NCOA1: variants seen among roughly 807,000 people sequenced by gnomAD.
NCOA1 encodes nuclear receptor coactivator 1, also known as Hin-2 protein.
NCOA1 carries 35 observed loss-of-function variants against 150.9 expected under a neutral mutation model. The observed-to-expected ratio is 0.23, with a 90% CI of 0.18 to 0.31. The LOEUF (loss-of-function observed/expected upper bound fraction) is 0.31. Ranked by LOEUF, NCOA1 falls within the 10% of genes least tolerant of loss-of-function variation. NCOA1 has a pLI of 1.00. For missense variants in NCOA1, 1,491 were observed against 1,749.3 expected, an observed-to-expected ratio of 0.85 and a Z score of 2.63; for synonymous variants, 590 against 630.0, an observed-to-expected ratio of 0.94 and a Z score of 0.95.
intron 1 of NCOA1, among the ~76,000 whole-genome samples, chr2:24,540,806 TTAGA>T (rs769719946): frequency 1.4e-4 from 21 of 152,154 alleles, no homozygotes; most frequent in Admixed American, 3.9e-4. Context: ...GATCCTGAAC[TTAGA>T]TAGCAGCATA....
chr2:24,652,943 A>G (rs938438746), intron 4 of NCOA1, among the ~76,000 whole-genome samples: 2 of 152,218 alleles, frequency 1.3e-5, no homozygotes, highest in Non-Finnish European at 2.9e-5. Context: ...GAAGTTTTAC[A>G]TTGCCTTGTT....
intron 4 of NCOA1, among the ~76,000 whole-genome samples, chr2:24,656,087 CAAAA>C (rs58446937): frequency 4.8e-5 from 3 of 62,038 alleles, no homozygotes; most frequent in Admixed American, 1.7e-4. Flanking sequence ...GACTCCGTCT[CAAAA>C]AAAAAAAAAA....
intron 3 of NCOA1, among the ~76,000 whole-genome samples, chr2:24,592,578 ATTTTTTTTTTTT>A (rs145333073): frequency 9.7e-6 from 1 of 103,492 alleles, no homozygotes; most frequent in Non-Finnish European, 2.0e-5. Flanking sequence ...TCCCCTCCTA[ATTTTTTTTTTTT>A]TTTTTTTTTT....
chr2:24,496,612 T>C (rs1663226650), intron 1 of NCOA1, among the ~76,000 whole-genome samples: 1 of 152,186 alleles, frequency 6.6e-6, no homozygotes, highest in African/African-American at 2.4e-5. Flanking sequence ...CTCTTTTTAG[T>C]GTGTGTTGAT....
intron 18 of NCOA1, 79 bp from the exon 19 acceptor site, chr2:24,741,705 A>G: frequency 7.0e-7 from 1 of 1,428,824 alleles, no homozygotes. Flanking sequence ...CCAAGCAAGT[A>G]GGCCTTAATC....
intron 14 of NCOA1, among the ~76,000 whole-genome samples, chr2:24,725,714 CGTGTGTGTGTGTGTGTGTGTGT>C (rs57720230): frequency 0.079 from 11,788 of 148,944 alleles, 538 homozygotes; most frequent in African/African-American, 0.12. Flanking sequence ...CTAAAGTGTG[CGTGTGTGTGTGTGTGTGTGTGT>C]GTGTGTGTGT....
intron 1 of NCOA1, among the ~76,000 whole-genome samples, chr2:24,518,053 C>A (rs1664275660): frequency 6.6e-6 from 1 of 151,944 alleles, no homozygotes; most frequent in African/African-American, 2.4e-5. Flanking sequence ...GTAATAACAA[C>A]CATTTATTGA....
At chr2:24,765,949 G>A (rs1455394907) in intron 22 of NCOA1, among the ~76,000 whole-genome samples, 1 of 141,952 alleles carries the variant, frequency 7.0e-6, no homozygotes, top group African/African-American at 2.7e-5. Flanking sequence ...TGCCCACGCT[G>A]GAATGCAGTG....
chr2:24,639,908 G>A (rs2384036), intron 3 of NCOA1, among the ~76,000 whole-genome samples: 82,295 of 99,224 alleles, frequency 0.83, 34,271 homozygotes, highest in Admixed American at 0.9. Context: ...AAAAAAGTAT[G>A]TGTGTGTGTA....
chr2:24,541,075 C>T (rs1393736167), intron 1 of NCOA1, among the ~76,000 whole-genome samples: 1 of 152,136 alleles, frequency 6.6e-6, no homozygotes, highest in Non-Finnish European at 1.5e-5. Context: ...GTGTTATAGT[C>T]TGTTAGGCTA....
At chr2:24,494,180 AG>A (rs1157380237) in intron 1 of NCOA1, among the ~76,000 whole-genome samples, 1 of 152,162 alleles carries the variant, frequency 6.6e-6, no homozygotes, top group Non-Finnish European at 1.5e-5. Flanking sequence ...TGAAAGGTGG[AG>A]TGGTGGAGAG....
intron 3 of NCOA1, among the ~76,000 whole-genome samples, chr2:24,619,222 A>G (rs1411062926): frequency 1.3e-5 from 2 of 152,216 alleles, no homozygotes; most frequent in Non-Finnish European, 2.9e-5. Context: ...TGTAACCTTT[A>G]TTCTTGGAAA....
At position 24,727,094 on chromosome 2, in the gene NCOA1, C is replaced by T. The variant is rs375596931; in HGVS notation, c.2717+388C>T. On this transcript the variant is annotated intron_variant, in intron 15 of 22. Transcript: ENST00000348332. ...TGGAGGTTGCAGTGAGCCAAGATTG[C>T]GCCATTGCACTCCAGCCTGGGCAAC... Among the ~76,000 whole-genome samples, 9 of 144,580 alleles carry T rather than the reference C, an allele frequency of 6.2e-5. No homozygotes were observed. In the South Asian group the frequency reaches 8.9e-4, roughly 14 times the overall value. 94.9% of individuals were successfully genotyped at this position (144,580 alleles called of 152,430 possible).
intron 3 of NCOA1, among the ~76,000 whole-genome samples, chr2:24,642,809 C>T (rs763070470): frequency 9.2e-5 from 14 of 152,130 alleles, no homozygotes; most frequent in Non-Finnish European, 1.8e-4. Context: ...ACTATTGATA[C>T]GTGCACCAAA....
intron 1 of NCOA1, among the ~76,000 whole-genome samples, chr2:24,531,999 A>G (rs1300298603): frequency 6.6e-6 from 1 of 152,156 alleles, no homozygotes; most frequent in East Asian, 1.9e-4. Context: ...GTCAAATGGT[A>G]TTTCTAGTTC....
chr2:24,699,867 G>A (rs545251114), intron 11 of NCOA1, among the ~76,000 whole-genome samples: 17 of 152,290 alleles, frequency 1.1e-4, no homozygotes, highest in Admixed American at 7.2e-4. Context: ...TAAGTTGGCC[G>A]GGTGCAGTGG....
intron 16 of NCOA1, among the ~76,000 whole-genome samples, chr2:24,729,158 C>T (rs1662863132): frequency 6.6e-6 from 1 of 152,046 alleles, no homozygotes; most frequent in African/African-American, 2.4e-5. Flanking sequence ...CCTGCTTGAT[C>T]CCTCCTTTAA....
intron 1 of NCOA1, among the ~76,000 whole-genome samples, chr2:24,526,401 C>T (rs1664652623): frequency 6.6e-6 from 1 of 151,368 alleles, no homozygotes; most frequent in Non-Finnish European, 1.5e-5. Flanking sequence ...GGTTTTCATT[C>T]TAGAATGGAA....
intron 1 of NCOA1, among the ~76,000 whole-genome samples, chr2:24,493,657 A>G (rs1238068036): frequency 1.3e-5 from 2 of 150,822 alleles, no homozygotes; most frequent in African/African-American, 4.9e-5. Flanking sequence ...TTAAACTAGG[A>G]TTATATAGAC....
Sources: gnomAD v4.1 joint callset for allele counts (sites outside exome capture counted in the v4.1 genomes callset) on GRCh38, gnomAD v4.1.1 for gene constraint, MANE v1.5 for transcripts, NCBI Gene and HGNC (gene_info 2026-07-23, HGNC 2026-07-21) for gene names.